Variants in NXN observed in about 807,000 individuals in gnomAD.
The protein encoded by NXN is nucleoredoxin 1.
Under a neutral mutation model 48.6 loss-of-function variants are expected in NXN, and 16 were observed. The observed-to-expected ratio is 0.33, with a 90% CI of 0.22 to 0.50. NXN has a LOEUF of 0.50. Among genes scored for constraint, NXN ranks in the 20% least tolerant of loss-of-function variants. The pLI is 0.98. For synonymous variants in NXN, 281 were observed against 269.6 expected (o/e 1.04, Z -0.41); for missense variants, 492 against 605.5 (o/e 0.81, Z 1.97).
intron 7 of NXN, among the ~76,000 whole-genome samples, chr17:802,765 C>T (rs768083800): frequency 1.3e-5 from 2 of 152,140 alleles, no homozygotes; most frequent in African/African-American, 2.4e-5. Context: ...TGGGCAGGGC[C>T]GGGGGCTGAG....
At chr17:826,353 T>C (rs558452723) in intron 1 of NXN, among the ~76,000 whole-genome samples, 3 of 151,602 alleles carry the variant, frequency 2.0e-5, no homozygotes, top group African/African-American at 7.3e-5. Context: ...GACTTGGAGG[T>C]GGAGGCTGAT....
At chr17:913,539 G>A (rs919971804) in intron 1 of NXN, among the ~76,000 whole-genome samples, 8 of 152,138 alleles carry the variant, frequency 5.3e-5, no homozygotes, top group Non-Finnish European at 1.2e-4. Flanking sequence ...CAGTTTCCCA[G>A]AGACATCGTG....
At chr17:817,706 C>T (rs1419299518) in intron 5 of NXN, among the ~76,000 whole-genome samples, 5 of 151,800 alleles carry the variant, frequency 3.3e-5, no homozygotes, top group Middle Eastern at 3.4e-3. Context: ...GATGAGATGC[C>T]CCTCAGGCGC....
chr17:826,912 C>T (rs539970359), intron 1 of NXN, among the ~76,000 whole-genome samples: 1 of 152,238 alleles, frequency 6.6e-6, no homozygotes. Context: ...AATGCAAAGC[C>T]CAGGGCTGGA....
At chr17:835,002 A>G (rs1913710783) in intron 1 of NXN, among the ~76,000 whole-genome samples, 1 of 151,518 alleles carries the variant, frequency 6.6e-6, no homozygotes, top group African/African-American at 2.4e-5. Flanking sequence ...AAGGCCACAC[A>G]ATGCCAACAG....
At position 913,731 on chromosome 17, in the gene NXN, C is replaced by A. The variant is rs527328934; in HGVS notation, c.360+65588G>T. On this transcript the variant is annotated intron_variant, in intron 1 of 7. Transcript: ENST00000336868. ...TGACTTTTCTCTCCTGGCACCTGCT[C>A]TTTCTTATCCTTGTAGTAAAAGAGC... Among the ~76,000 whole-genome samples, 5 of 152,198 alleles carry A rather than the reference C, an allele frequency of 3.3e-5. No homozygotes were observed. The East Asian group carries it at 9.7e-4, about 29-fold the overall frequency.
At chr17:864,580 C>T (rs1361416575) in intron 1 of NXN, among the ~76,000 whole-genome samples, 3 of 152,198 alleles carry the variant, frequency 2.0e-5, no homozygotes, top group Non-Finnish European at 4.4e-5. Flanking sequence ...GAGTGTGAGG[C>T]TTTGCAGGAA....
At chr17:879,671 G>A (rs1052001666) in intron 1 of NXN, among the ~76,000 whole-genome samples, 4 of 152,286 alleles carry the variant, frequency 2.6e-5, no homozygotes, top group South Asian at 2.1e-4. Context: ...AGCAGGAGGC[G>A]TCCAACACAA....
In NXN at chr17:800,776, C is replaced by T. The variant is rs113410443; in HGVS notation, c.*173G>A. 4 of 420,422 alleles carry T rather than the reference C, an allele frequency of 9.5e-6. No homozygotes were observed. The highest frequency in any genetic ancestry group is 1.9e-4 in the South Asian group (2 of 10,710). The allele number at this position is 420,422 out of a possible 1,614,324, so 26.0% of individuals were successfully genotyped here. Reference sequence around the variant, plus strand: ...CGGTGGACTCTGCCGCTGCTGATTCCACACCCCAGGGTGCTGGCTGAGGAG... The same window carrying T: ...CGGTGGACTCTGCCGCTGCTGATTCTACACCCCAGGGTGCTGGCTGAGGAG... On this transcript the variant is annotated 3_prime_UTR_variant, in exon 8 of 8. Transcript: ENST00000336868.
intron 1 of NXN, among the ~76,000 whole-genome samples, chr17:935,652 C>A (rs938330674): frequency 5.1e-4 from 77 of 152,280 alleles, no homozygotes; most frequent in African/African-American, 1.7e-3. Context: ...GCAGAACACG[C>A]CCAGGAATCA....
intron 1 of NXN, among the ~76,000 whole-genome samples, chr17:892,762 G>A (rs1002073794): frequency 2.6e-5 from 4 of 152,208 alleles, no homozygotes; most frequent in African/African-American, 2.4e-5. Flanking sequence ...GAGACTTTGA[G>A]ACCAGTGAAA....
In NXN at chr17:920,374, C is replaced by G. The variant is rs935924238; in HGVS notation, c.360+58945G>C. Among the ~76,000 whole-genome samples, 1 of 151,666 alleles carries G rather than the reference C, an allele frequency of 6.6e-6. No homozygotes were observed. Among genetic ancestry groups the G allele is most frequent in the African/African-American group, 2.4e-5 (1 of 41,098 alleles). Reference sequence around the variant, plus strand: ...ATGTGGCTCTCCTCCCAGCCCCGAGCGCCTGGGGATACCTAGGCCCTCCTG... The same window carrying G: ...ATGTGGCTCTCCTCCCAGCCCCGAGGGCCTGGGGATACCTAGGCCCTCCTG... On this transcript the variant is annotated intron_variant, in intron 1 of 7. Coordinates refer to ENST00000336868, the MANE Select transcript of NXN (RefSeq NM_022463.5). The surrounding 1 kb of genome is among the most constrained non-coding windows in gnomAD (Gnocchi z 4.6).
At chr17:939,605 C>G (rs2068947399) in intron 1 of NXN, among the ~76,000 whole-genome samples, 1 of 152,114 alleles carries the variant, frequency 6.6e-6, no homozygotes, top group African/African-American at 2.4e-5. Context: ...CTTGGCCTCC[C>G]AAAGTGCTGG....
At chr17:965,257 C>T (rs1032392268) in intron 1 of NXN, among the ~76,000 whole-genome samples, 5 of 152,106 alleles carry the variant, frequency 3.3e-5, no homozygotes, top group South Asian at 2.1e-4. Flanking sequence ...AACCCACCGA[C>T]GGAGGGAGTC....
In NXN at chr17:839,797, T is replaced by TTAAAAAA. The variant is rs1555612501; in HGVS notation, c.361-13720_361-13719insTTTTTTA. On this transcript the variant is annotated intron_variant, in intron 1 of 7. Transcript: ENST00000336868. ...CAGCCTGGCGACAGAGAGACCTTGT[T>TTAAAAAA]AAAAAAAAAAAAAAAAAGGCCAGGC... 1.0e-3 allele frequency among the ~76,000 whole-genome samples: 57 copies of TTAAAAAA among 57,274 alleles called. 2 individuals are homozygous for TTAAAAAA. In the East Asian group the frequency reaches 0.029, roughly 29 times the overall value. The allele number at this position is 57,274 out of a possible 152,430, so 37.6% of individuals were successfully genotyped here. A position where few individuals can be genotyped will look rare whatever the true frequency, so the allele number is the denominator to read the frequency against.
intron 1 of NXN, among the ~76,000 whole-genome samples, chr17:947,986 G>A (rs1184232031): frequency 6.6e-6 from 1 of 151,958 alleles, no homozygotes; most frequent in Non-Finnish European, 1.5e-5. Flanking sequence ...GGGAGGCGGA[G>A]GTTGCAGTGA....
chr17:846,898 T>G (rs2144733756), intron 1 of NXN, among the ~76,000 whole-genome samples: 1 of 152,224 alleles, frequency 6.6e-6, no homozygotes, highest in South Asian at 2.1e-4. Flanking sequence ...AATTAAAGAA[T>G]AAAAGATTGA....
intron 5 of NXN, among the ~76,000 whole-genome samples, chr17:813,286 G>C (rs1281006910): frequency 6.6e-6 from 1 of 152,248 alleles, no homozygotes; most frequent in East Asian, 1.9e-4. Flanking sequence ...TCAAGGGATG[G>C]TGCAGTCTAG....
At chr17:951,478 A>C (rs1016517364) in intron 1 of NXN, among the ~76,000 whole-genome samples, 13 of 149,012 alleles carry the variant, frequency 8.7e-5, no homozygotes, top group African/African-American at 3.2e-4. Context: ...CTCTGTTGAG[A>C]TGCTCACGCT....
Sources: gnomAD v4.1 joint callset for allele counts (sites outside exome capture counted in the v4.1 genomes callset) on GRCh38, gnomAD v4.1.1 for gene constraint, Gnocchi (gnomAD v3.1) non-coding constraint, MANE v1.5 for transcripts, NCBI Gene and HGNC (gene_info 2026-07-23, HGNC 2026-07-21) for gene names.